The following CTNNBL1 variants were observed in gnomAD, a reference collection of about 807,000 sequenced individuals.
CTNNBL1 encodes beta-catenin-like protein 1.
CTNNBL1 carries 31 observed loss-of-function variants against 72.7 expected under a neutral mutation model. The ratio of observed to expected loss-of-function variants is 0.43; its 90% CI spans 0.32 to 0.58. CTNNBL1 has a LOEUF of 0.58. Ranked by LOEUF, CTNNBL1 falls within the 20% of genes least tolerant of loss-of-function variation. CTNNBL1 has a pLI of 0.08. For missense variants in CTNNBL1, 534 were observed against 725.1 expected, an observed-to-expected ratio of 0.74 and a Z score of 3.03; for synonymous variants, 240 against 267.3, an observed-to-expected ratio of 0.90 and a Z score of 1.00.
chr20:37,779,077 T>A (rs532157291), intron 9 of CTNNBL1, 110 bp from the exon 10 acceptor site: 3 of 1,032,578 alleles, frequency 2.9e-6, no homozygotes, highest in Non-Finnish European at 4.4e-6. Flanking sequence ...TGAGCTTCTG[T>A]TTCCTCAGTC....
At chr20:37,711,821 T>C (rs1203012021) in intron 1 of CTNNBL1, among the ~76,000 whole-genome samples, 1 of 152,016 alleles carries the variant, frequency 6.6e-6, no homozygotes, top group Non-Finnish European at 1.5e-5. Context: ...GGGAACAGAC[T>C]TGTCATGTAT....
intron 5 of CTNNBL1, among the ~76,000 whole-genome samples, chr20:37,762,983 C>T (rs1393270604): frequency 6.6e-6 from 1 of 152,166 alleles, no homozygotes; most frequent in East Asian, 1.9e-4. Flanking sequence ...TCCCCACTAG[C>T]TTCTAGGCAG....
intron 10 of CTNNBL1, among the ~76,000 whole-genome samples, chr20:37,779,666 C>G (rs1317981154): frequency 6.6e-6 from 1 of 152,088 alleles, no homozygotes; most frequent in Non-Finnish European, 1.5e-5. Flanking sequence ...TACTTCTAAA[C>G]TTGGACTAAT....
chr20:37,823,854 G>T (rs531653137), intron 11 of CTNNBL1, among the ~76,000 whole-genome samples: 63 of 152,288 alleles, frequency 4.1e-4, no homozygotes, highest in African/African-American at 1.5e-3. Flanking sequence ...TTCGTGCTCA[G>T]CCTTGGGTGT....
chr20:37,826,560 C>G (rs1488689186), intron 11 of CTNNBL1, among the ~76,000 whole-genome samples: 1 of 152,192 alleles, frequency 6.6e-6, no homozygotes. Context: ...GAAAAATAGC[C>G]TTTGGGTATC....
chr20:37,794,355 C>T (rs1254641630), intron 10 of CTNNBL1, among the ~76,000 whole-genome samples: 1 of 151,632 alleles, frequency 6.6e-6, no homozygotes, highest in Non-Finnish European at 1.5e-5. Flanking sequence ...CTTGCTCTGT[C>T]ACCCAGGCTG....
chr20:37,705,218 C>A (rs1440877259), intron 1 of CTNNBL1, among the ~76,000 whole-genome samples: 2 of 152,198 alleles, frequency 1.3e-5, no homozygotes, highest in Admixed American at 1.3e-4. Flanking sequence ...ATTAATTAAC[C>A]TCTTTAAGCC....
intron 11 of CTNNBL1, among the ~76,000 whole-genome samples, chr20:37,809,062 A>G (rs925843857): frequency 6.6e-6 from 1 of 151,986 alleles, no homozygotes; most frequent in Non-Finnish European, 1.5e-5. Context: ...TGCAACCTTA[A>G]TAAGTCTCTG....
At chr20:37,725,939 G>A (rs958188351) in intron 1 of CTNNBL1, among the ~76,000 whole-genome samples, 13 of 151,988 alleles carry the variant, frequency 8.6e-5, no homozygotes, top group Admixed American at 2.0e-4. Flanking sequence ...AGCCGAGATC[G>A]CACCACTGCA....
intron 3 of CTNNBL1, among the ~76,000 whole-genome samples, chr20:37,738,904 A>G (rs544712274): frequency 3.3e-5 from 5 of 152,322 alleles, no homozygotes; most frequent in Non-Finnish European, 7.4e-5. Context: ...CAGCGTGGTC[A>G]ACTATGTTGT....
At chr20:37,744,542 T>C (rs1429149823) in intron 3 of CTNNBL1, 1 of 152,206 alleles carries the variant, frequency 6.6e-6, no homozygotes, top group Non-Finnish European at 1.5e-5. Context: ...ACAGGGATTG[T>C]AGATAAGCTT....
At chr20:37,859,733 G>A (rs559719279) in intron 13 of CTNNBL1, among the ~76,000 whole-genome samples, 166 bp from the exon 14 acceptor site, 4 of 152,066 alleles carry the variant, frequency 2.6e-5, no homozygotes, top group Admixed American at 2.0e-4. Context: ...TGAAGAACAT[G>A]AAAGATACTT....
chr20:37,851,728 C>T (rs947137796), intron 13 of CTNNBL1, among the ~76,000 whole-genome samples: 2 of 152,206 alleles, frequency 1.3e-5, no homozygotes, highest in African/African-American at 2.4e-5. Flanking sequence ...ATAGTTTTTA[C>T]CTCTTGGAGT....
intron 11 of CTNNBL1, among the ~76,000 whole-genome samples, chr20:37,806,600 A>G (rs1010232946): frequency 6.6e-6 from 1 of 152,196 alleles, no homozygotes; most frequent in African/African-American, 2.4e-5. Flanking sequence ...TGCATGCGCA[A>G]TGGGTAAACA....
At chr20:37,779,816 C>T (rs1290818167) in intron 10 of CTNNBL1, among the ~76,000 whole-genome samples, 1 of 152,076 alleles carries the variant, frequency 6.6e-6, no homozygotes, top group Non-Finnish European at 1.5e-5. Flanking sequence ...AATATGAAAA[C>T]GTGCAAGACA....
At position 37,804,214 on chromosome 20, in the gene CTNNBL1, G is replaced by A. The variant is rs77716290; in HGVS notation, c.1213+1166G>A. 4.2e-3 allele frequency among the ~76,000 whole-genome samples: 635 copies of A among 152,234 alleles called. 2 individuals are homozygous for A. The highest frequency in any genetic ancestry group is 0.015 in the African/African-American group (610 of 41,530). ...CACTAGCTATAAATATGTTAACCCC[G>A]TGCTAGATTTTCCCCACTGAAAATT... On this transcript the variant is annotated intron_variant, in intron 11 of 15. Coordinates refer to ENST00000361383, the MANE Select transcript of CTNNBL1 (RefSeq NM_030877.5).
At chr20:37,753,927 C>T (rs73909436) in intron 4 of CTNNBL1, among the ~76,000 whole-genome samples, 1,616 of 151,432 alleles carry the variant, frequency 0.011, 23 homozygotes, top group African/African-American at 0.038. Context: ...GAATATGACA[C>T]GACCCCAGTT....
At chr20:37,864,243 A>G (rs752688771) in intron 15 of CTNNBL1, among the ~76,000 whole-genome samples, 1 of 119,234 alleles carries the variant, frequency 8.4e-6, no homozygotes, top group Non-Finnish European at 1.7e-5. Flanking sequence ...ACAAAGCCTC[A>G]TAAAGAAAAC....
chr20:37,863,929 G>A (rs760845), intron 15 of CTNNBL1, among the ~76,000 whole-genome samples: 109,959 of 152,096 alleles, frequency 0.72, 40,136 homozygotes, highest in East Asian at 0.85. Context: ...CAGCCCTCCC[G>A]CTGGTGTGCC....
Sources: allele counts gnomAD v4.1 joint callset (sites outside exome capture counted in the v4.1 genomes callset), GRCh38; gene constraint gnomAD v4.1.1; transcripts MANE v1.5; gene names NCBI Gene and HGNC (gene_info 2026-07-23, HGNC 2026-07-21).